KCNMB4: variants seen among roughly 807,000 people sequenced by gnomAD.
KCNMB4 encodes potassium calcium-activated channel subfamily M regulatory beta subunit 4, also known as calcium-activated potassium channel subunit beta-4.
KCNMB4 carries 3 observed loss-of-function variants against 20.7 expected under a neutral mutation model. That is an observed-to-expected ratio of 0.14 (90% CI 0.07 to 0.37). The LOEUF is 0.37. Ranked by LOEUF, KCNMB4 falls within the 10% of genes least tolerant of loss-of-function variation. The pLI, the probability that KCNMB4 is intolerant of heterozygous loss-of-function variation, is 1.00. For missense variants in KCNMB4, 168 were observed against 265.9 expected (o/e 0.63, Z 2.56); for synonymous variants, 110 against 113.4 (o/e 0.97, Z 0.19).
Position 70,431,331 on chromosome 12 carries a change from A to G in KCNMB4, c.*678A>G, listed in dbSNP as rs1238721138. The G allele has an allele frequency of 1.3e-5, 2 of 152,178 alleles. No individual in the cohort carries two copies. The highest frequency in any genetic ancestry group is 1.3e-4 in the Admixed American group (2 of 15,266). 9.4% of individuals were successfully genotyped at this position (152,178 alleles called of 1,614,324 possible). A position where few individuals can be genotyped will look rare whatever the true frequency, so the allele number is the denominator to read the frequency against. Reference sequence around the variant, plus strand: ...TGCCTTTGCCTAACCATTATTTTTCACCAGATTACTTCTTAAGAGAGGGAG... The same window carrying G: ...TGCCTTTGCCTAACCATTATTTTTCGCCAGATTACTTCTTAAGAGAGGGAG... On this transcript the variant is annotated 3_prime_UTR_variant, in exon 3 of 3. Coordinates refer to ENST00000258111, the MANE Select transcript of KCNMB4 (RefSeq NM_014505.6).
intron 2 of KCNMB4, among the ~76,000 whole-genome samples, chr12:70,425,766 A>G (rs1055484870): frequency 6.6e-6 from 1 of 152,214 alleles, no homozygotes; most frequent in African/African-American, 2.4e-5. Context: ...AGGACACTTC[A>G]GGCACCTCAG....
intron 1 of KCNMB4, among the ~76,000 whole-genome samples, chr12:70,394,172 A>G (rs1481174410): frequency 2.0e-5 from 3 of 152,206 alleles, no homozygotes; most frequent in Non-Finnish European, 4.4e-5. Context: ...TCAGCAATCA[A>G]GAATAGTTTA....
intron 1 of KCNMB4, 86 bp downstream of exon 1, chr12:70,367,156 G>C (rs1487959575): frequency 9.0e-7 from 1 of 1,108,874 alleles, no homozygotes; most frequent in East Asian, 2.6e-5. Flanking sequence ...GGGAGGGTTC[G>C]GCGTGTGCTC....
intron 2 of KCNMB4, among the ~76,000 whole-genome samples, chr12:70,406,228 C>A (rs1436157714): frequency 6.6e-6 from 1 of 152,054 alleles, no homozygotes; most frequent in Non-Finnish European, 1.5e-5. Flanking sequence ...CACTTGTGTA[C>A]AACAATACTG....
chr12:70,368,126 T>C (rs1371649103), intron 1 of KCNMB4, among the ~76,000 whole-genome samples: 1 of 152,140 alleles, frequency 6.6e-6, no homozygotes, highest in Non-Finnish European at 1.5e-5. Context: ...TTCCTTTTTT[T>C]GAGGGATCAA....
chr12:70,399,254 T>C (rs1403169667), intron 1 of KCNMB4, among the ~76,000 whole-genome samples: 1 of 152,190 alleles, frequency 6.6e-6, no homozygotes, highest in Non-Finnish European at 1.5e-5. Flanking sequence ...CTCTATGTTG[T>C]GTTGGTTTGG....
chr12:70,388,753 C>T (rs1238921750), intron 1 of KCNMB4, among the ~76,000 whole-genome samples: 1 of 152,116 alleles, frequency 6.6e-6, no homozygotes, highest in African/African-American at 2.4e-5. Context: ...AGCCTGTCTC[C>T]TTGGGTTATG....
rs151281843 is a variant in KCNMB4, at chr12:70,422,568, G to A, written c.465-7917G>A. On this transcript the variant is annotated intron_variant, in intron 2 of 2. Transcript: ENST00000258111. Reference sequence around the variant, plus strand: ...CTAGGTTGAAAATTCTCTTTCTGTTGTATTTTCAATGGAAGAGCAACAAAG... The same window carrying A: ...CTAGGTTGAAAATTCTCTTTCTGTTATATTTTCAATGGAAGAGCAACAAAG... 1,774 of 502,960 alleles carry A rather than the reference G, an allele frequency of 3.5e-3. 21 individuals carry two copies. Among genetic ancestry groups the A allele is most frequent in the South Asian group, 0.021 (1,146 of 53,562 alleles). 31.2% of individuals were successfully genotyped at this position (502,960 alleles called of 1,614,324 possible).
chr12:70,394,283 C>G (rs1020725326), intron 1 of KCNMB4, among the ~76,000 whole-genome samples: 1 of 151,992 alleles, frequency 6.6e-6, no homozygotes, highest in Non-Finnish European at 1.5e-5. Flanking sequence ...GAGGGTGGAT[C>G]TTTTTGACAA....
intron 1 of KCNMB4, among the ~76,000 whole-genome samples, chr12:70,371,009 A>G (rs1883583511): frequency 6.6e-6 from 1 of 152,110 alleles, no homozygotes; most frequent in Non-Finnish European, 1.5e-5. Context: ...GGCATGTGCT[A>G]CCACACCCAG....
intron 2 of KCNMB4, among the ~76,000 whole-genome samples, chr12:70,410,081 C>CA (rs1491155590): frequency 2.6e-5 from 4 of 152,130 alleles, no homozygotes; most frequent in African/African-American, 9.7e-5. Flanking sequence ...ACACCTTCAC[C>CA]TTTTTTACTT....
At chr12:70,414,667 A>C (rs913809593) in intron 2 of KCNMB4, among the ~76,000 whole-genome samples, 6 of 152,230 alleles carry the variant, frequency 3.9e-5, no homozygotes, top group Non-Finnish European at 8.8e-5. Flanking sequence ...TTTGGCAGCT[A>C]CAGCACACTA....
Position 70,370,403 on chromosome 12 carries a change from G to A in KCNMB4, c.336+3333G>A, listed in dbSNP as rs529503187. On this transcript the variant is annotated intron_variant, in intron 1 of 2. Coordinates refer to ENST00000258111, the MANE Select transcript of KCNMB4 (RefSeq NM_014505.6). The stretch of plus-strand genomic sequence containing the variant: ...GCTCACTGCAAGCTCCGCCTCCCTG[G>A]TTCATGCCATTCTCCTGCCTCAGCC... 6.3e-4 allele frequency among the ~76,000 whole-genome samples: 96 copies of A among 151,782 alleles called. 1 individual carries two copies. In the South Asian group the frequency reaches 0.012, roughly 19 times the overall value.
intron 2 of KCNMB4, among the ~76,000 whole-genome samples, chr12:70,415,209 A>G (rs527565009): frequency 2.0e-5 from 3 of 152,344 alleles, no homozygotes; most frequent in South Asian, 2.1e-4. Flanking sequence ...AGGTTAAGCA[A>G]TATGACCAAA....
chr12:70,382,252 T>C (rs1883800214), intron 1 of KCNMB4, among the ~76,000 whole-genome samples: 1 of 151,224 alleles, frequency 6.6e-6, no homozygotes, highest in Non-Finnish European at 1.5e-5. Context: ...GAGACCACGG[T>C]GAAACCCTGT....
At chr12:70,383,871 C>G (rs1425613045) in intron 1 of KCNMB4, among the ~76,000 whole-genome samples, 1 of 152,182 alleles carries the variant, frequency 6.6e-6, no homozygotes, top group Non-Finnish European at 1.5e-5. Context: ...GAGTTTGAGA[C>G]CAGCCTGGCC....
intron 2 of KCNMB4, among the ~76,000 whole-genome samples, chr12:70,403,099 G>A (rs1025161853): frequency 2.0e-5 from 3 of 152,068 alleles, no homozygotes; most frequent in Non-Finnish European, 4.4e-5. Flanking sequence ...ATTTGGGAAG[G>A]AAGAAGAAAG....
rs1183126250 is a variant in KCNMB4, at chr12:70,366,429, G to C, written c.-306G>C. 1.3e-5 allele frequency: 2 copies of C among 152,146 alleles called. No individual in the cohort carries two copies. Among genetic ancestry groups the C allele is most frequent in the East Asian group, 3.9e-4 (2 of 5,128 alleles). 9.4% of individuals were successfully genotyped at this position (152,146 alleles called of 1,614,324 possible). A position where few individuals can be genotyped will look rare whatever the true frequency, so the allele number is the denominator to read the frequency against. The stretch of plus-strand genomic sequence containing the variant: ...GTGCGGGGGCGGAGGCTGGCAGGGG[G>C]CGCTGGAAGCTGGAGCGGTCCGTGC... On this transcript the variant is annotated 5_prime_UTR_variant, in exon 1 of 3. Transcript: ENST00000258111.
At chr12:70,368,005 G>T (rs1297781724) in intron 1 of KCNMB4, among the ~76,000 whole-genome samples, 1 of 152,082 alleles carries the variant, frequency 6.6e-6, no homozygotes, top group African/African-American at 2.4e-5. Context: ...AACTAATTGA[G>T]CTTTGTAGTG....
Sources: gnomAD v4.1 joint callset for allele counts (sites outside exome capture counted in the v4.1 genomes callset) on GRCh38, gnomAD v4.1.1 for gene constraint, MANE v1.5 for transcripts, NCBI Gene and HGNC (gene_info 2026-07-23, HGNC 2026-07-21) for gene names.